Variants in KANK1 observed in about 807,000 individuals in gnomAD.
KANK1 encodes KN motif and ankyrin repeat domain-containing protein 1.
Under a neutral mutation model 106.2 loss-of-function variants are expected in KANK1, and 109 were observed. That is an observed-to-expected ratio of 1.03 (90% CI 0.88 to 1.20). The LOEUF (loss-of-function observed/expected upper bound fraction) is 1.20, where lower values mean the gene tolerates loss of function less well. KANK1 is among the 50% of genes most tolerant of loss of function. KANK1 has a pLI of 0.00. For missense variants in KANK1, 2,399 were observed against 1,710.7 expected (o/e 1.40, Z -7.10); for synonymous variants, 873 against 652.2 (o/e 1.34, Z -5.16).
chr9:537,331 C>T (rs1242461310), intron 1 of KANK1, among the ~76,000 whole-genome samples: 1 of 152,122 alleles, frequency 6.6e-6, no homozygotes, highest in East Asian at 1.9e-4. Flanking sequence ...AATTTGATAC[C>T]AGTTCCTGTC....
intron 1 of KANK1, among the ~76,000 whole-genome samples, chr9:548,350 T>A (rs770623846): frequency 3.3e-5 from 5 of 152,198 alleles, no homozygotes; most frequent in Non-Finnish European, 7.3e-5. Flanking sequence ...GAGGGCTTCC[T>A]GAAGGTTTGT....
chr9:642,095 G>A (rs1299208372), intron 1 of KANK1, among the ~76,000 whole-genome samples: 1 of 152,164 alleles, frequency 6.6e-6, no homozygotes, highest in Non-Finnish European at 1.5e-5. Context: ...CCCATAGTCA[G>A]AAAGCTTGAG....
intron 1 of KANK1, among the ~76,000 whole-genome samples, chr9:522,782 G>A (rs1418046710): frequency 6.6e-6 from 1 of 151,648 alleles, no homozygotes; most frequent in Admixed American, 6.6e-5. Flanking sequence ...ATGTGTGCCT[G>A]CCTGTGCTCT....
rs1464905098 is a variant in KANK1, at chr9:732,475, G to A, written c.3103G>A (p.Glu1035Lys). ...CDVIEYPLEEEEEEEDEDTRG... is the reference protein window; with the variant it reads ...CDVIEYPLEEKEEEEDEDTRG... ...TGTCATTGAGTATCCTCTTGAAGAA[G>A]AGGAGGAGGAGGAGGATGAAGACAC... Residue 1035 changes from glutamate (E) to lysine (K), a missense_variant, in exon 6 of 12, where the codon GAG becomes AAG. Glu to Lys is a moderately conservative substitution (Grantham distance 56). Coordinates refer to ENST00000382297, the MANE Select transcript of KANK1 (RefSeq NM_015158.5). 3 of 1,598,778 alleles carry A rather than the reference G, an allele frequency of 1.9e-6. No individual in the cohort carries two copies. The highest frequency in any genetic ancestry group is 2.3e-5 in the East Asian group (1 of 44,248).
At chr9:625,789 C>T (rs937145320) in intron 1 of KANK1, among the ~76,000 whole-genome samples, 3 of 152,182 alleles carry the variant, frequency 2.0e-5, no homozygotes, top group Admixed American at 2.0e-4. Context: ...AGCTGAGCCC[C>T]TGAGTTTGTT....
intron 2 of KANK1, chr9:685,682 C>T (rs1445369610): frequency 6.6e-6 from 1 of 152,140 alleles, no homozygotes; most frequent in East Asian, 1.9e-4. Flanking sequence ...GTTACTAGTA[C>T]TGAGTTTATT....
At chr9:581,582 C>A (rs934317343) in intron 1 of KANK1, among the ~76,000 whole-genome samples, 1 of 152,198 alleles carries the variant, frequency 6.6e-6, no homozygotes, top group African/African-American at 2.4e-5. Flanking sequence ...TCTTAGTCCA[C>A]AAACTAGAGG....
intron 1 of KANK1, among the ~76,000 whole-genome samples, chr9:611,324 C>G (rs76893948): frequency 0.06 from 9,167 of 152,282 alleles, 904 homozygotes; most frequent in African/African-American, 0.21. Flanking sequence ...CTCACCGACT[C>G]TATGCCTTAA....
At chr9:740,766 A>G in intron 8 of KANK1, 26 bp from the exon 9 acceptor site, 2 of 1,550,176 alleles carry the variant, frequency 1.3e-6, no homozygotes, top group Non-Finnish European at 1.7e-6. Flanking sequence ...GCTTCCTAAG[A>G]GACTTTTTTT....
intron 1 of KANK1, among the ~76,000 whole-genome samples, chr9:614,461 T>G (rs1831318294): frequency 6.6e-6 from 1 of 152,284 alleles, no homozygotes; most frequent in South Asian, 2.1e-4. Flanking sequence ...TGTTAAATTT[T>G]AGGATTTTTA....
At chr9:497,261 G>A (rs903888051) in intron 3 of KANK1, among the ~76,000 whole-genome samples, 1 of 152,144 alleles carries the variant, frequency 6.6e-6, no homozygotes, top group Non-Finnish European at 1.5e-5. Flanking sequence ...TATGACCATG[G>A]GCAAGGGTGA....
intron 1 of KANK1, among the ~76,000 whole-genome samples, chr9:656,695 TA>T (rs1302784446): frequency 1.3e-5 from 2 of 152,092 alleles, no homozygotes; most frequent in African/African-American, 4.8e-5. Context: ...GAAGAATCAC[TA>T]AAGGGATGTG....
intron 1 of KANK1, among the ~76,000 whole-genome samples, chr9:650,553 T>G (rs1490339304): frequency 1.3e-5 from 2 of 152,116 alleles, no homozygotes; most frequent in Non-Finnish European, 2.9e-5. Flanking sequence ...ATGACTTGAG[T>G]AGCAGGTTGT....
chr9:538,936 A>G (rs896946679), intron 1 of KANK1, among the ~76,000 whole-genome samples: 2 of 152,204 alleles, frequency 1.3e-5, no homozygotes, highest in African/African-American at 2.4e-5. Context: ...GCTGGAGTAC[A>G]GTGACACAAT....
chr9:592,782 C>T (rs772803656), intron 1 of KANK1, among the ~76,000 whole-genome samples: 1 of 151,816 alleles, frequency 6.6e-6, no homozygotes, highest in Non-Finnish European at 1.5e-5. Context: ...TTTTGTAGTT[C>T]TTGTTTATTA....
intron 1 of KANK1, among the ~76,000 whole-genome samples, chr9:626,262 C>A (rs1221615090): frequency 5.3e-5 from 8 of 152,020 alleles, no homozygotes; most frequent in Admixed American, 4.6e-4. Flanking sequence ...TCGGGAGTGA[C>A]TGGCCAACAT....
chr9:723,459 A>G (rs189756975), intron 3 of KANK1, among the ~76,000 whole-genome samples: 3 of 152,148 alleles, frequency 2.0e-5, no homozygotes, highest in East Asian at 1.9e-4. Context: ...TACACTTAAA[A>G]TCAGTGCATT....
intron 1 of KANK1, among the ~76,000 whole-genome samples, chr9:640,057 C>G (rs1838046580): frequency 1.3e-5 from 2 of 152,122 alleles, no homozygotes; most frequent in South Asian, 4.1e-4. Context: ...ATAGCAGTCT[C>G]TCAGACCTCG....
At chr9:704,364 T>A (rs7041829) in intron 2 of KANK1, among the ~76,000 whole-genome samples, 54,099 of 152,094 alleles carry the variant, frequency 0.36, 10,654 homozygotes, top group South Asian at 0.53. Context: ...TGAACTCATG[T>A]TTCAAAGTTA....
Sources: gnomAD v4.1 joint callset for allele counts (sites outside exome capture counted in the v4.1 genomes callset) on GRCh38, gnomAD v4.1.1 for gene constraint, MANE v1.5 for transcripts, NCBI Gene and HGNC (gene_info 2026-07-23, HGNC 2026-07-21) for gene names.